The following FAH variants were observed in gnomAD, a reference collection of about 807,000 sequenced individuals.
FAH encodes fumarylacetoacetase.
Under a neutral mutation model 55.8 loss-of-function variants are expected in FAH, and 47 were observed. The observed-to-expected ratio is 0.84, with a 90% CI of 0.67 to 1.07. The LOEUF is 1.07. Among genes scored for constraint, FAH ranks in the 50% least tolerant of loss-of-function variants. FAH has a pLI of 0.00. For missense variants in FAH, 495 were observed against 545.9 expected, an observed-to-expected ratio of 0.91 and a Z score of 0.93; for synonymous variants, 199 against 207.7, an observed-to-expected ratio of 0.96 and a Z score of 0.36.
Position 80,162,825 on chromosome 15 carries a change from A to G in FAH, c.455+489A>G. 1.3e-5 allele frequency: 3 copies of G among 226,292 alleles called. No homozygotes were observed. The South Asian group carries it at 1.9e-4, about 14-fold the overall frequency. 14.0% of individuals were successfully genotyped at this position (226,292 alleles called of 1,614,324 possible). ...TTGTAAGCCCCATTTTACAGACAGG[A>G]AAATGGGCTCAGAGAAGGATCAACT... On this transcript the variant is annotated intron_variant, in intron 5 of 13. Transcript: ENST00000561421.
chr15:80,180,933 T>G, intron 12 of FAH, 109 bp from the exon 13 acceptor site: 1 of 843,646 alleles, frequency 1.2e-6, no homozygotes, highest in East Asian at 2.6e-5. Flanking sequence ...CTGAGGGGCA[T>G]GAGGGCCCCC....
chr15:80,179,037 A>G (rs1313235992), intron 11 of FAH, among the ~76,000 whole-genome samples: 1 of 152,214 alleles, frequency 6.6e-6, no homozygotes, highest in Non-Finnish European at 1.5e-5. Context: ...GTGTATATCC[A>G]GTAATAGGCT....
At chr15:80,180,312 AAGAGAT>A (rs2041320509) in intron 12 of FAH, 87 bp downstream of exon 12, 1 of 1,086,202 alleles carries the variant, frequency 9.2e-7, no homozygotes, top group Admixed American at 1.8e-5. Context: ...CAGCCTCGAG[AAGAGAT>A]TTCAGGCCCG....
chr15:80,157,595 C>A, intron 1 of FAH: 1 of 231,584 alleles, frequency 4.3e-6, no homozygotes, highest in Non-Finnish European at 8.7e-6. Flanking sequence ...CTCATTAATC[C>A]AAGCCACCTG....
chr15:80,171,251 C>G (rs950087106), intron 7 of FAH, among the ~76,000 whole-genome samples: 4 of 151,954 alleles, frequency 2.6e-5, no homozygotes, highest in Admixed American at 6.6e-5. Flanking sequence ...CTCTTCCCCC[C>G]ACCCCACAAC....
chr15:80,173,286 G>A, intron 9 of FAH, 142 bp downstream of exon 9: 2 of 1,113,000 alleles, frequency 1.8e-6, no homozygotes, highest in African/African-American at 1.5e-5. Context: ...AGAGTGCCTG[G>A]GAGTTCCTGG....
intron 5 of FAH, among the ~76,000 whole-genome samples, chr15:80,165,708 C>T (rs1272412228): frequency 6.7e-6 from 1 of 148,286 alleles, no homozygotes; most frequent in South Asian, 2.1e-4. Flanking sequence ...CCCCACCCCC[C>T]ACCAAAAAAA....
At chr15:80,169,492 C>T in intron 7 of FAH, among the ~76,000 whole-genome samples, 1 of 152,198 alleles carries the variant, frequency 6.6e-6, no homozygotes, top group East Asian at 1.9e-4. Context: ...ACTGTGGTCA[C>T]TTTAGGCTGC....
chr15:80,158,338 G>A (rs2041117929), intron 2 of FAH, among the ~76,000 whole-genome samples, 168 bp downstream of exon 2: 1 of 152,232 alleles, frequency 6.6e-6, no homozygotes, highest in Non-Finnish European at 1.5e-5. Context: ...AAACTGGTAG[G>A]AGGTGGCCTT....
At chr15:80,156,571 T>A (rs2041102620) in intron 1 of FAH, 1 of 152,232 alleles carries the variant, frequency 6.6e-6, no homozygotes, top group Non-Finnish European at 1.5e-5. Flanking sequence ...ACAAAGGCAA[T>A]GCACATTCAT....
At chr15:80,180,374 C>G in intron 12 of FAH, 149 bp downstream of exon 12, 1 of 682,306 alleles carries the variant, frequency 1.5e-6, no homozygotes, top group Non-Finnish European at 2.6e-6. Context: ...GCCTTTCTCT[C>G]TGGGTGCAGG....
At chr15:80,164,983 T>G (rs1199864849) in intron 5 of FAH, among the ~76,000 whole-genome samples, 1 of 152,234 alleles carries the variant, frequency 6.6e-6, no homozygotes, top group Non-Finnish European at 1.5e-5. Context: ...CATTGACATA[T>G]CTCCATGTAG....
chr15:80,173,410 CG>C, intron 9 of FAH: 2 of 557,366 alleles, frequency 3.6e-6, no homozygotes, highest in East Asian at 3.2e-5. Flanking sequence ...TTGCAAGACC[CG>C]GGGGATCTGG....
intron 9 of FAH, 70 bp from the exon 10 acceptor site, chr15:80,174,946 G>A (rs1245153601): frequency 7.4e-7 from 1 of 1,358,782 alleles, no homozygotes; most frequent in Non-Finnish European, 1.1e-6. Context: ...GGCCTGGCTG[G>A]TATGGGGGCC....
chr15:80,182,779 T>C (rs958850002), intron 13 of FAH, among the ~76,000 whole-genome samples: 4 of 152,170 alleles, frequency 2.6e-5, no homozygotes, highest in Middle Eastern at 6.3e-3. Flanking sequence ...CCCTGCCAAG[T>C]TTGTTTCTAG....
chr15:80,159,391 G>T (rs1373374924), intron 2 of FAH, among the ~76,000 whole-genome samples: 2 of 151,948 alleles, frequency 1.3e-5, no homozygotes, highest in Non-Finnish European at 2.9e-5. Context: ...CTTCTTAACT[G>T]ATGTGAAAGG....
intron 7 of FAH, among the ~76,000 whole-genome samples, chr15:80,169,932 A>G (rs1272238843): frequency 6.6e-6 from 1 of 152,186 alleles, no homozygotes; most frequent in East Asian, 1.9e-4. Flanking sequence ...TACCCTTCAC[A>G]CAGTCTCCCC....
chr15:80,168,325 G>A lies in FAH; in HGVS notation c.606+9G>A, dbSNP rs1330318346. ...ACATGGAGCTGGAAATGGTAAGTGA[G>A]CTTGATGTTTTATTGCCATGGGATC... On this transcript the variant is annotated intron_variant, in intron 7 of 13. Coordinates refer to ENST00000561421, the MANE Select transcript of FAH (RefSeq NM_000137.4). The A allele has an allele frequency of 6.2e-7, 1 of 1,611,960 alleles. No individual in the cohort carries two copies. Among genetic ancestry groups the A allele is most frequent in the Admixed American group, 1.7e-5 (1 of 59,990 alleles).
intron 2 of FAH, 47 bp from the exon 3 acceptor site, chr15:80,159,709 C>T: frequency 6.2e-7 from 1 of 1,613,708 alleles, no homozygotes; most frequent in Non-Finnish European, 8.5e-7. Context: ...GGGATACTCC[C>T]TGGGTTTTCC....
Sources: allele counts gnomAD v4.1 joint callset (sites outside exome capture counted in the v4.1 genomes callset), GRCh38; gene constraint gnomAD v4.1.1; transcripts MANE v1.5; gene names NCBI Gene and HGNC (gene_info 2026-07-23, HGNC 2026-07-21).